Variants in AGPS observed in about 807,000 individuals in gnomAD.
AGPS encodes alkylglycerone phosphate synthase.
In AGPS, 26 loss-of-function variants were observed where a neutral mutation model predicts 90.7. The observed-to-expected ratio is 0.29, with a 90% CI of 0.21 to 0.40. The LOEUF (loss-of-function observed/expected upper bound fraction) is 0.40, where lower values mean the gene tolerates loss of function less well. Ranked by LOEUF, AGPS falls within the 10% of genes least tolerant of loss-of-function variation. The probability of loss-of-function intolerance (pLI) is 1.00; values close to 1 mark genes in which losing one functional copy is unlikely to be tolerated. For missense variants in AGPS, 540 were observed against 816.1 expected, an observed-to-expected ratio of 0.66 and a Z score of 4.12; for synonymous variants, 294 against 285.3, an observed-to-expected ratio of 1.03 and a Z score of -0.31.
intron 8 of AGPS, 65 bp downstream of exon 8, chr2:177,445,691 T>C: frequency 8.5e-7 from 1 of 1,181,474 alleles, no homozygotes; most frequent in Non-Finnish European, 1.2e-6. Flanking sequence ...TGATGTTATT[T>C]CTTTAATGAA....
intron 8 of AGPS, among the ~76,000 whole-genome samples, chr2:177,446,184 C>T (rs185641458): frequency 1.2e-4 from 18 of 151,550 alleles, no homozygotes; most frequent in African/African-American, 4.4e-4. Flanking sequence ...GACGGAGTCT[C>T]ACTCTGTCGC....
At chr2:177,456,252 T>G (rs1687105839) in intron 8 of AGPS, among the ~76,000 whole-genome samples, 1 of 152,186 alleles carries the variant, frequency 6.6e-6, no homozygotes, top group African/African-American at 2.4e-5. Flanking sequence ...TTCAGCAAAT[T>G]TTTCTTACCA....
At chr2:177,525,651 A>G (rs543019979) in intron 19 of AGPS, among the ~76,000 whole-genome samples, 4 of 152,220 alleles carry the variant, frequency 2.6e-5, no homozygotes, top group African/African-American at 9.6e-5. Flanking sequence ...GTAATTGGTT[A>G]TTAGATGAGC....
intron 16 of AGPS, 59 bp from the exon 17 acceptor site, chr2:177,513,760 T>C: frequency 8.0e-7 from 1 of 1,254,438 alleles, no homozygotes; most frequent in Non-Finnish European, 1.2e-6. Context: ...CAACGTTTAT[T>C]AGCACTTGTG....
intron 16 of AGPS, among the ~76,000 whole-genome samples, chr2:177,513,077 A>G (rs1434059164): frequency 1.0e-5 from 1 of 100,336 alleles, no homozygotes; most frequent in African/African-American, 3.7e-5. Context: ...CATGATTATT[A>G]ATTGAATCAT....
intron 1 of AGPS, among the ~76,000 whole-genome samples, chr2:177,406,204 C>CTTT (rs1685463420): frequency 6.6e-6 from 1 of 152,190 alleles, no homozygotes; most frequent in African/African-American, 2.4e-5. Flanking sequence ...CACTTCTAGC[C>CTTT]TGGTCTCCCT....
At chr2:177,456,860 A>G (rs2105658795) in intron 8 of AGPS, among the ~76,000 whole-genome samples, 1 of 152,128 alleles carries the variant, frequency 6.6e-6, no homozygotes, top group South Asian at 2.1e-4. Flanking sequence ...CATCTACAGA[A>G]CTCTCCACCC....
At chr2:177,476,414 T>G (rs542521644) in intron 10 of AGPS, among the ~76,000 whole-genome samples, 1 of 152,302 alleles carries the variant, frequency 6.6e-6, no homozygotes, top group South Asian at 2.1e-4. Flanking sequence ...CCTGTTGATT[T>G]CTTCTTTGAC....
chr2:177,406,595 G>A (rs1190005311), intron 1 of AGPS, among the ~76,000 whole-genome samples: 1 of 152,202 alleles, frequency 6.6e-6, no homozygotes, highest in Non-Finnish European at 1.5e-5. Flanking sequence ...AGGTGAAAAT[G>A]TAGAGTGGTG....
intron 1 of AGPS, chr2:177,393,642 G>A (rs534731947): frequency 1.4e-5 from 13 of 902,832 alleles, no homozygotes; most frequent in African/African-American, 3.6e-5. Context: ...TTTAAGGTGT[G>A]GTGGTATAGC....
rs138280491 is a variant in AGPS at position 177,468,505 on chromosome 2, C to T, written c.1086C>T (p.His362=). ...TGTCAACAGGCCCTGATATCCATCA[C>T]TTCATCATGGGATCTGAAGGTAAAT... ...PRMSTGPDIH[H]FIMGSEGTLG... Residue 362 remains histidine, a synonymous_variant, in exon 10 of 20, where the codon CAC becomes CAT. Coordinates refer to ENST00000264167, the MANE Select transcript of AGPS (RefSeq NM_003659.4). 198 of 1,610,772 alleles carry T rather than the reference C, an allele frequency of 1.2e-4. No individual in the cohort carries two copies. In the African/African-American group the frequency reaches 2.2e-3, roughly 18 times the overall value.
rs1268952775 is a variant in AGPS at position 177,462,406 on chromosome 2, G to GA, written c.996+394dup. 5.9e-4 allele frequency among the ~76,000 whole-genome samples: 82 copies of GA among 138,708 alleles called. 2 individuals carry two copies. The highest frequency in any genetic ancestry group is 2.0e-3 in the African/African-American group (74 of 37,702). 91.0% of individuals were successfully genotyped at this position (138,708 alleles called of 152,430 possible). ...AGATTCTGTCTCAAAAAAAAAAAAA[G>GA]AAAAAAGAAAAAGAGTTGGATGGTA... On this transcript the variant is annotated intron_variant, in intron 9 of 19. Transcript: ENST00000264167.
chr2:177,527,600 T>TC (rs2079100252), intron 19 of AGPS, among the ~76,000 whole-genome samples: 1 of 152,160 alleles, frequency 6.6e-6, no homozygotes, highest in Non-Finnish European at 1.5e-5. Flanking sequence ...TTATACTTCC[T>TC]GATAGTAGGT....
chr2:177,432,772 G>A (rs987781320), intron 2 of AGPS, among the ~76,000 whole-genome samples: 2 of 152,158 alleles, frequency 1.3e-5, no homozygotes, highest in Non-Finnish European at 2.9e-5. Context: ...TGGTTCTGTA[G>A]GCTGTGCAAG....
intron 14 of AGPS, 78 bp downstream of exon 14, chr2:177,499,808 A>G (rs1164512259): frequency 5.3e-6 from 5 of 946,462 alleles, no homozygotes; most frequent in Non-Finnish European, 8.6e-6. Flanking sequence ...TTATTAAAGT[A>G]CTAGGCATTA....
At chr2:177,526,409 TA>T (rs1409730801) in intron 19 of AGPS, among the ~76,000 whole-genome samples, 3 of 152,180 alleles carry the variant, frequency 2.0e-5, no homozygotes, top group African/African-American at 7.2e-5. Context: ...CTTGTATTTT[TA>T]GTAGAGACGG....
intron 1 of AGPS, among the ~76,000 whole-genome samples, chr2:177,398,537 T>G (rs1685246872): frequency 6.6e-6 from 1 of 152,202 alleles, no homozygotes; most frequent in Non-Finnish European, 1.5e-5. Context: ...AGAGTCCATA[T>G]TCTTTCCTCT....
intron 3 of AGPS, among the ~76,000 whole-genome samples, chr2:177,436,151 T>TTTTTTTTTTTC (rs1050536037): frequency 7.8e-6 from 1 of 128,694 alleles, no homozygotes; most frequent in African/African-American, 2.9e-5. Flanking sequence ...TTTTTTTTTT[T>TTTTTTTTTTTC]TTTTTTTGCG....
rs751090708 is a variant in AGPS at position 177,420,248 on chromosome 2, T to A, written c.261-21T>A. ...AGATGTTTAGCATTGGTCTCACTTA[T>A]ATATATTTTCTTCTCACTAGGCAAG... is the stretch of plus-strand genomic sequence containing the variant. On this transcript the variant is annotated intron_variant, in intron 1 of 19. Coordinates refer to ENST00000264167, the MANE Select transcript of AGPS (RefSeq NM_003659.4). 1.4e-5 allele frequency: 20 copies of A among 1,458,968 alleles called. No homozygotes were observed. In the Admixed American group the frequency reaches 3.2e-4, roughly 23 times the overall value. 90.4% of individuals were successfully genotyped at this position (1,458,968 alleles called of 1,614,324 possible).
Sources: gnomAD v4.1 joint callset for allele counts (sites outside exome capture counted in the v4.1 genomes callset) on GRCh38, gnomAD v4.1.1 for gene constraint, MANE v1.5 for transcripts, NCBI Gene and HGNC (gene_info 2026-07-23, HGNC 2026-07-21) for gene names.